HSD17B12: variants seen among roughly 807,000 people sequenced by gnomAD.
HSD17B12 encodes the protein hydroxysteroid 17-beta dehydrogenase 12.
A neutral mutation model predicts 39.3 loss-of-function variants in HSD17B12; 32 were observed. The observed-to-expected ratio is 0.81, with a 90% CI of 0.61 to 1.09. The LOEUF (loss-of-function observed/expected upper bound fraction) is 1.09. HSD17B12 is among the 50% of genes least tolerant of loss of function. The pLI is 0.00. For missense variants in HSD17B12, 342 were observed against 382.9 expected, an observed-to-expected ratio of 0.89 and a Z score of 0.89; for synonymous variants, 150 against 146.7, an observed-to-expected ratio of 1.02 and a Z score of -0.16.
chr11:43,809,235 G>A (rs1951046737), intron 4 of HSD17B12, among the ~76,000 whole-genome samples: 1 of 152,130 alleles, frequency 6.6e-6, no homozygotes, highest in Non-Finnish European at 1.5e-5. Context: ...TACGTCCCAG[G>A]CATTGGGTTA....
In HSD17B12 at chr11:43,816,792, G is replaced by A. The variant is rs373255518; in HGVS notation, c.501+401G>A. ...TCTTCCACCCTTTTCCTGAGTCCCC[G>A]AAGTCCATTGTATCATTCTTATGCC... On this transcript the variant is annotated intron_variant, in intron 6 of 10. Transcript: ENST00000278353. Among the ~76,000 whole-genome samples, 64 of 151,702 alleles carry A rather than the reference G, an allele frequency of 4.2e-4. No individual in the cohort carries two copies. The South Asian group carries it at 0.012, about 29-fold the overall frequency.
chr11:43,802,714 G>A (rs1263523664), intron 4 of HSD17B12, among the ~76,000 whole-genome samples: 4 of 152,130 alleles, frequency 2.6e-5, no homozygotes, highest in Non-Finnish European at 5.9e-5. Context: ...TCCCCTAGTG[G>A]GTAAAGCTCA....
At chr11:43,613,656 C>G in the HSD17B12 span, among the ~76,000 whole-genome samples, 3 of 151,324 alleles carry the variant, frequency 2.0e-5, no homozygotes, top group East Asian at 3.9e-4. Context: ...TTTTACTCAT[C>G]ATAGCCTTCC....
chr11:43,745,225 A>G (rs533758535), intron 1 of HSD17B12, among the ~76,000 whole-genome samples: 8 of 152,220 alleles, frequency 5.3e-5, no homozygotes, highest in Admixed American at 3.9e-4. Flanking sequence ...GTTTTATGGT[A>G]TGCTGGTTTT....
chr11:43,815,482 A>G lies in HSD17B12; in HGVS notation c.437A>G (p.Asp146Gly). ...TATGAGTATCCTGAATACTTTTTGGATGTTCCTGACTTGGACAATGTAAGT... is the reference window on the plus strand; with the variant it reads ...TATGAGTATCCTGAATACTTTTTGGGTGTTCCTGACTTGGACAATGTAAGT... The part of the protein sequence containing the change: ...MSYEYPEYFL[D>G]VPDLDNVIKK... The change falls in exon 5 of 11, where the codon GAT (aspartate) becomes GGT (glycine). Residue 146 changes from aspartate to glycine, a missense_variant. By Grantham distance (94) the Asp-to-Gly change is moderately conservative. Coordinates refer to ENST00000278353, the MANE Select transcript of HSD17B12 (RefSeq NM_016142.3). 1 of 1,579,066 alleles carries G rather than the reference A, an allele frequency of 6.3e-7. No individual in the cohort carries two copies. Among genetic ancestry groups the G allele is most frequent in the Non-Finnish European group, 8.7e-7 (1 of 1,155,732 alleles).
At chr11:43,572,421 G>A in the HSD17B12 span, among the ~76,000 whole-genome samples, 2 of 152,148 alleles carry the variant, frequency 1.3e-5, no homozygotes, top group Admixed American at 1.3e-4. Flanking sequence ...CCACATGTTG[G>A]GGGATAGACC....
At chr11:43,682,499 G>A (rs1159335785) in intron 1 of HSD17B12, among the ~76,000 whole-genome samples, 4 of 109,682 alleles carry the variant, frequency 3.6e-5, no homozygotes, top group African/African-American at 1.4e-4. Flanking sequence ...CCGAGATCAT[G>A]CCACTGCACT....
chr11:43,674,169 C>G, the HSD17B12 span, among the ~76,000 whole-genome samples: 34 of 152,298 alleles, frequency 2.2e-4, no homozygotes, highest in African/African-American at 8.2e-4. Context: ...CTTCGGAGAG[C>G]TATTAGTCAC....
chr11:43,616,010 G>A, the HSD17B12 span, among the ~76,000 whole-genome samples: 1 of 152,228 alleles, frequency 6.6e-6, no homozygotes, highest in African/African-American at 2.4e-5. Context: ...GTGTGAGTGA[G>A]AGCGAGAGTG....
the HSD17B12 span, among the ~76,000 whole-genome samples, chr11:43,671,924 AT>A: frequency 6.6e-6 from 1 of 152,246 alleles, no homozygotes; most frequent in Non-Finnish European, 1.5e-5. Flanking sequence ...ATATTTTCTA[AT>A]CACTTGTTTC....
intron 10 of HSD17B12, 63 bp from the exon 11 acceptor site, chr11:43,855,081 A>G (rs1324434653): frequency 4.9e-6 from 6 of 1,233,496 alleles, no homozygotes; most frequent in Non-Finnish European, 6.9e-6. Context: ...ATTAAATCAT[A>G]TGCTTCAATT....
At chr11:43,605,935 T>C in the HSD17B12 span, among the ~76,000 whole-genome samples, 1 of 152,238 alleles carries the variant, frequency 6.6e-6, no homozygotes. Flanking sequence ...CCTTTCATAT[T>C]GTGAATACAG....
chr11:43,744,890 A>C (rs1184986680), intron 1 of HSD17B12, among the ~76,000 whole-genome samples: 2 of 152,210 alleles, frequency 1.3e-5, no homozygotes, highest in African/African-American at 4.8e-5. Flanking sequence ...AGAGATGCCT[A>C]AATGAGGTAA....
chr11:43,601,666 C>T, the HSD17B12 span, among the ~76,000 whole-genome samples: 1 of 152,166 alleles, frequency 6.6e-6, no homozygotes, highest in South Asian at 2.1e-4. Flanking sequence ...GACAGACACC[C>T]TCTGGCTTCA....
chr11:43,650,151 A>C, the HSD17B12 span, among the ~76,000 whole-genome samples: 1 of 152,190 alleles, frequency 6.6e-6, no homozygotes, highest in Non-Finnish European at 1.5e-5. Context: ...AGATAACAGG[A>C]ACAAATACTG....
At chr11:43,597,852 C>T in the HSD17B12 span, among the ~76,000 whole-genome samples, 3 of 152,134 alleles carry the variant, frequency 2.0e-5, no homozygotes, top group Non-Finnish European at 4.4e-5. Flanking sequence ...CCAGGCTGGT[C>T]TTGAACTCCT....
chr11:43,750,964 G>T lies in HSD17B12; in HGVS notation c.207+7G>T. The T allele has an allele frequency of 6.4e-7, 1 of 1,561,896 alleles. No individual in the cohort carries two copies. The highest frequency in any genetic ancestry group is 1.2e-5 in the South Asian group (1 of 86,688). ...AAAATCATATGCAGAAGAGGTAGGT[G>T]ATTTTCAAGATCTTTCCTTTTAATA... On this transcript the variant is annotated splice_region_variant and intron_variant, in intron 2 of 10. Coordinates refer to ENST00000278353, the MANE Select transcript of HSD17B12 (RefSeq NM_016142.3).
At chr11:43,613,504 T>G in the HSD17B12 span, among the ~76,000 whole-genome samples, 2 of 151,992 alleles carry the variant, frequency 1.3e-5, no homozygotes. Flanking sequence ...TGGCTGCTAG[T>G]GGAAGATGGA....
At chr11:43,634,789 A>G in the HSD17B12 span, among the ~76,000 whole-genome samples, 1 of 152,228 alleles carries the variant, frequency 6.6e-6, no homozygotes, top group Non-Finnish European at 1.5e-5. Flanking sequence ...TATTAATTCC[A>G]TAACAGAATT....
Sources: allele counts gnomAD v4.1 joint callset (sites outside exome capture counted in the v4.1 genomes callset), GRCh38; gene constraint gnomAD v4.1.1; transcripts MANE v1.5; gene names NCBI Gene and HGNC (gene_info 2026-07-23, HGNC 2026-07-21).